The following TEX11 variants were observed in gnomAD, a reference collection of about 807,000 sequenced individuals.
The protein encoded by TEX11 is testis-expressed protein 11.
TEX11 carries 7 observed loss-of-function variants against 84.4 expected under a neutral mutation model. The ratio of observed to expected loss-of-function variants is 0.08; its 90% confidence interval spans 0.05 to 0.16. The LOEUF is 0.16. TEX11 is among the 10% of genes least tolerant of loss of function. The probability of loss-of-function intolerance (pLI) is 1.00; values close to 1 mark genes in which losing one functional copy is unlikely to be tolerated. For missense variants in TEX11, 551 were observed against 660.5 expected (o/e 0.83, Z 1.82); for synonymous variants, 264 against 222.8 (o/e 1.18, Z -1.64).
intron 4 of TEX11, among the ~76,000 whole-genome samples, chrX:70,869,707 G>T (rs1294324681): frequency 9.1e-6 from 1 of 110,480 alleles, no homozygotes; most frequent in Non-Finnish European, 1.9e-5. Context: ...AGCCCAGGAG[G>T]CAGGGGTTGC....
chrX:70,581,781 T>C (rs1365160505), intron 25 of TEX11, among the ~76,000 whole-genome samples: 1 of 111,830 alleles, frequency 8.9e-6, no homozygotes, highest in Non-Finnish European at 1.9e-5. Flanking sequence ...ATTGCACCCC[T>C]CAAATTTTCT....
In TEX11 at chrX:70,740,758, A is replaced by G. The variant is rs2090728042; in HGVS notation, c.786T>C (p.Asp262=). The G allele has an allele frequency of 2.5e-6, 3 of 1,196,291 alleles. No individual in the cohort carries two copies. Among genetic ancestry groups the G allele is most frequent in the Non-Finnish European group, 2.3e-6 (2 of 887,842 alleles). Residue 262 remains aspartate, a synonymous_variant, in exon 11 of 30, where the codon GAT becomes GAC. Coordinates refer to ENST00000374333, the MANE Select transcript of TEX11 (RefSeq NM_031276.3). ...TATCATAATATTTGGTGTCATCCCAATCCAAATAATTCGTGGCTAATAGCC... is the reference window on the plus strand; with the variant it reads ...TATCATAATATTTGGTGTCATCCCAGTCCAAATAATTCGTGGCTAATAGCC... ...VLRLLATNYL[D]WDDTKYYDKA... is the part of the protein sequence containing the mutation.
chrX:70,868,256 G>T (rs2091609747), intron 4 of TEX11, among the ~76,000 whole-genome samples: 1 of 111,700 alleles, frequency 9.0e-6, no homozygotes, highest in Non-Finnish European at 1.9e-5. Context: ...CATTTTTGAG[G>T]CCAAAAAAAC....
At chrX:70,725,371 T>C (rs1350051537) in intron 11 of TEX11, 28 bp from the exon 12 acceptor site, 2 of 1,060,256 alleles carry the variant, frequency 1.9e-6, no homozygotes, top group Non-Finnish European at 2.6e-6. Flanking sequence ...ATCACAATGA[T>C]ATTAAAATTG....
intron 4 of TEX11, among the ~76,000 whole-genome samples, chrX:70,871,834 T>A (rs1465622222): frequency 9.4e-6 from 1 of 106,236 alleles, no homozygotes; most frequent in Non-Finnish European, 1.9e-5. Flanking sequence ...TGCTTCCCCC[T>A]TTTTTCTCCA....
chrX:70,710,939 TC>T (rs1340991313), intron 13 of TEX11, among the ~76,000 whole-genome samples: 1 of 100,850 alleles, frequency 9.9e-6, no homozygotes, highest in African/African-American at 3.6e-5. Context: ...CCCTCCCCAC[TC>T]CCCCCACCCC....
chrX:70,727,421 G>A (rs1001830087), intron 11 of TEX11, among the ~76,000 whole-genome samples: 12 of 111,116 alleles, frequency 1.1e-4, no homozygotes, highest in Admixed American at 2.9e-4. Context: ...AACAAACACC[G>A]GTGTCCTCAC....
intron 28 of TEX11, among the ~76,000 whole-genome samples, chrX:70,549,743 G>A (rs896043313): frequency 2.7e-5 from 3 of 112,363 alleles, no homozygotes; most frequent in Non-Finnish European, 5.6e-5. Flanking sequence ...CAGCTAAGCT[G>A]CAGTAGAATA....
chrX:70,582,004 T>C (rs2088783159), intron 25 of TEX11, among the ~76,000 whole-genome samples: 1 of 112,003 alleles, frequency 8.9e-6, no homozygotes, highest in Non-Finnish European at 1.9e-5. Flanking sequence ...TCCGCATGTA[T>C]GTTGTAACTA....
At chrX:70,630,983 C>A (rs5980984) in intron 17 of TEX11, among the ~76,000 whole-genome samples, 21,792 of 111,277 alleles carry the variant, frequency 0.2, 1,665 homozygotes, top group African/African-American at 0.21. Flanking sequence ...AATGCTTATG[C>A]ACCCAATAAA....
chrX:70,776,919 C>T (rs2091005287), intron 9 of TEX11, among the ~76,000 whole-genome samples: 1 of 111,577 alleles, frequency 9.0e-6, no homozygotes, highest in East Asian at 2.8e-4. Context: ...ATGATAAATA[C>T]TCAAGGTGAT....
At chrX:70,524,259 A>C (rs1354611151), downstream of TEX11, among the ~76,000 whole-genome samples, 3 of 112,434 alleles carry the variant, frequency 2.7e-5, no homozygotes, top group Non-Finnish European at 5.6e-5. Context: ...TCACCACTTT[A>C]TCTCTTGTAC....
At chrX:70,674,783 G>A (rs2090055285) in intron 15 of TEX11, among the ~76,000 whole-genome samples, 1 of 110,336 alleles carries the variant, frequency 9.1e-6, no homozygotes, top group Non-Finnish European at 1.9e-5. Context: ...GGGGTCTTGA[G>A]GTCATTTTCA....
chrX:70,734,048 G>A (rs751428929), intron 11 of TEX11, among the ~76,000 whole-genome samples: 66 of 110,483 alleles, frequency 6.0e-4, no homozygotes, highest in Non-Finnish European at 9.6e-4. Context: ...GCAAACTATC[G>A]CAAGGACAAA....
intron 13 of TEX11, among the ~76,000 whole-genome samples, chrX:70,720,186 A>G (rs2090545338): frequency 8.9e-6 from 1 of 111,964 alleles, no homozygotes; most frequent in Admixed American, 9.5e-5. Context: ...AATATTATGC[A>G]GCCATAAAAA....
chrX:70,635,639 T>C (rs1171490084), intron 17 of TEX11, among the ~76,000 whole-genome samples: 3 of 112,167 alleles, frequency 2.7e-5, no homozygotes, highest in Non-Finnish European at 5.6e-5. Flanking sequence ...GGATCCCCCG[T>C]AGCCCCAGGC....
At chrX:70,569,735 G>A (rs911777570) in intron 25 of TEX11, among the ~76,000 whole-genome samples, 14 of 111,451 alleles carry the variant, frequency 1.3e-4, no homozygotes, top group African/African-American at 2.3e-4. Flanking sequence ...TTCGTGAACC[G>A]CAAATGCTGC....
At chrX:70,516,679 G>A in the TEX11 span, among the ~76,000 whole-genome samples, 2 of 110,709 alleles carry the variant, frequency 1.8e-5, no homozygotes, top group Admixed American at 1.9e-4. Context: ...TAGCTTGATG[G>A]GGATGGCATT....
At position 70,572,859 on chromosome X, in the gene TEX11, G is replaced by A. The variant is rs186033739; in HGVS notation, c.2141-18059C>T. 6.8e-3 allele frequency among the ~76,000 whole-genome samples: 488 copies of A among 72,246 alleles called. 6 individuals carry two copies. The highest frequency in any genetic ancestry group is 0.025 in the African/African-American group (462 of 18,482). 62.7% of individuals were successfully genotyped at this position (72,246 alleles called of 115,157 possible). On this transcript the variant is annotated intron_variant, in intron 25 of 29. Transcript: ENST00000374333. ...CACACCAGGGCCTGCTGTGGGGTGGGGGGAGGGGGGAGGGATGACATTAGG... is the reference window on the plus strand; with the variant it reads ...CACACCAGGGCCTGCTGTGGGGTGGAGGGAGGGGGGAGGGATGACATTAGG...
Sources: gnomAD v4.1 joint callset for allele counts (sites outside exome capture counted in the v4.1 genomes callset) on GRCh38, gnomAD v4.1.1 for gene constraint, MANE v1.5 for transcripts, NCBI Gene and HGNC (gene_info 2026-07-23, HGNC 2026-07-21) for gene names.